Variants in GALNT13 observed in about 807,000 individuals in gnomAD.
GALNT13 encodes polypeptide N-acetylgalactosaminyltransferase 13.
A neutral mutation model predicts 64.2 loss-of-function variants in GALNT13; 28 were observed. The ratio of observed to expected loss-of-function variants is 0.44; its 90% CI spans 0.32 to 0.60. The LOEUF is 0.60. GALNT13 is among the 20% of genes least tolerant of loss of function. GALNT13 has a pLI of 0.05. For missense variants in GALNT13, 577 were observed against 669.8 expected (o/e 0.86, Z 1.53); for synonymous variants, 214 against 224.6 (o/e 0.95, Z 0.42).
At chr2:153,945,461 CTGTT>C (rs1419439565) in intron 3 of GALNT13, among the ~76,000 whole-genome samples, 2 of 152,210 alleles carry the variant, frequency 1.3e-5, no homozygotes, top group East Asian at 1.9e-4. Flanking sequence ...AACATATTCT[CTGTT>C]TGGCAAAAGT....
Position 154,065,829 on chromosome 2 carries a change from T to C in GALNT13, c.143-74508T>C, listed in dbSNP as rs138833666. ...TCTGTAATGCCCAGACACTGACAAA[T>C]ATCCACAAGAATCAAGACCATCCAG... On this transcript the variant is annotated intron_variant, in intron 3 of 12. Transcript: ENST00000392825. 6.8e-4 allele frequency among the ~76,000 whole-genome samples: 104 copies of C among 152,244 alleles called. 1 individual carries two copies. The East Asian group carries it at 0.02, about 29-fold the overall frequency.
the GALNT13 span, among the ~76,000 whole-genome samples, chr2:153,776,155 A>G: frequency 6.6e-6 from 1 of 152,244 alleles, no homozygotes; most frequent in East Asian, 1.9e-4. Flanking sequence ...ATATTGTTGT[A>G]GAAATAAATC....
At position 153,965,090 on chromosome 2, in the gene GALNT13, T is replaced by C. The variant is rs140859830; in HGVS notation, c.142+20451T>C. Among the ~76,000 whole-genome samples the C allele has an allele frequency of 6.8e-3, 1,032 of 152,290 alleles. 8 individuals are homozygous for C. Among genetic ancestry groups the C allele is most frequent in the African/African-American group, 0.023 (956 of 41,572 alleles). Reference sequence around the variant, plus strand: ...TTTAAGGATACATAACAGTTTTACATATTTATGAGGTACATGTGATATTTT... The same window carrying C: ...TTTAAGGATACATAACAGTTTTACACATTTATGAGGTACATGTGATATTTT... On this transcript the variant is annotated intron_variant, in intron 3 of 12. Coordinates refer to ENST00000392825, the MANE Select transcript of GALNT13 (RefSeq NM_052917.4).
At chr2:154,128,159 G>A (rs1351898031) in intron 3 of GALNT13, among the ~76,000 whole-genome samples, 1 of 152,048 alleles carries the variant, frequency 6.6e-6, no homozygotes, top group Non-Finnish European at 1.5e-5. Context: ...TCATTTAAAG[G>A]TGTACCTACT....
At chr2:153,096,392 A>G in the GALNT13 span, among the ~76,000 whole-genome samples, 8 of 152,326 alleles carry the variant, frequency 5.3e-5, no homozygotes, top group South Asian at 4.1e-4. Flanking sequence ...CCTTTGGTCT[A>G]TAATGCAGAT....
intron 4 of GALNT13, among the ~76,000 whole-genome samples, chr2:154,154,375 C>G (rs539209197): frequency 6.6e-6 from 1 of 152,248 alleles, no homozygotes; most frequent in East Asian, 1.9e-4. Context: ...AACTATCCAT[C>G]CAAGCTCATT....
the GALNT13 span, among the ~76,000 whole-genome samples, chr2:153,587,789 A>G: frequency 1.3e-5 from 2 of 152,134 alleles, no homozygotes; most frequent in African/African-American, 4.8e-5. Flanking sequence ...TAAAGTCTTA[A>G]CTCATTTCAG....
chr2:153,892,589 A>G lies in GALNT13; in HGVS notation c.-176-8347A>G, dbSNP rs559127576. Among the ~76,000 whole-genome samples, 3 of 152,188 alleles carry G rather than the reference A, an allele frequency of 2.0e-5. No homozygotes were observed. The East Asian group carries it at 5.8e-4, about 29-fold the overall frequency. On this transcript the variant is annotated intron_variant, in intron 1 of 12. Coordinates refer to ENST00000392825, the MANE Select transcript of GALNT13 (RefSeq NM_052917.4). ...CAAAATTAATATCTAAGCAATCTTTAATTTCTAGAAATTTATTTTTACAGT... is the reference window on the plus strand; with the variant it reads ...CAAAATTAATATCTAAGCAATCTTTGATTTCTAGAAATTTATTTTTACAGT...
At chr2:154,437,594 C>A (rs1302204204) in intron 11 of GALNT13, 2 of 1,231,284 alleles carry the variant, frequency 1.6e-6, no homozygotes, top group Admixed American at 2.3e-5. Flanking sequence ...TGGCGGCTCA[C>A]ACCTGTAATC....
intron 3 of GALNT13, among the ~76,000 whole-genome samples, chr2:154,018,408 T>C (rs1697161028): frequency 6.6e-6 from 1 of 152,182 alleles, no homozygotes; most frequent in South Asian, 2.1e-4. Context: ...TCTCTCAGAA[T>C]TTGGAATTGG....
chr2:153,548,419 C>G, the GALNT13 span, among the ~76,000 whole-genome samples: 80,588 of 151,968 alleles, frequency 0.53, 22,964 homozygotes, highest in East Asian at 0.76. Context: ...ATTAATAAAC[C>G]AAAAGATATT....
the GALNT13 span, among the ~76,000 whole-genome samples, chr2:153,095,722 T>A: frequency 1.3e-4 from 20 of 152,034 alleles, no homozygotes; most frequent in Non-Finnish European, 2.4e-4. Flanking sequence ...AAAGGATGAG[T>A]TCATGTGCTT....
chr2:153,458,240 GT>G, the GALNT13 span, among the ~76,000 whole-genome samples: 13 of 151,082 alleles, frequency 8.6e-5, no homozygotes, highest in East Asian at 5.8e-4. Flanking sequence ...AAAATCAGTA[GT>G]TTTTTTTTGT....
At chr2:154,360,689 G>T (rs1431771480) in intron 9 of GALNT13, among the ~76,000 whole-genome samples, 1 of 152,108 alleles carries the variant, frequency 6.6e-6, no homozygotes, top group African/African-American at 2.4e-5. Flanking sequence ...TGACTATTCA[G>T]TATATCTTTA....
At chr2:153,971,849 C>T (rs1693764666) in intron 3 of GALNT13, among the ~76,000 whole-genome samples, 1 of 152,048 alleles carries the variant, frequency 6.6e-6, no homozygotes, top group Admixed American at 6.6e-5. Flanking sequence ...CCTGGACCCT[C>T]AGAATGTAAC....
At chr2:154,020,385 C>T (rs928726347) in intron 3 of GALNT13, among the ~76,000 whole-genome samples, 2 of 152,112 alleles carry the variant, frequency 1.3e-5, no homozygotes, top group African/African-American at 2.4e-5. Context: ...TTTTAATGAT[C>T]ACCATTCTAA....
the GALNT13 span, among the ~76,000 whole-genome samples, chr2:153,347,897 G>C: frequency 6.6e-6 from 1 of 152,164 alleles, no homozygotes; most frequent in Admixed American, 6.5e-5. Flanking sequence ...AAAATGAGTA[G>C]TGTTAATGCA....
At chr2:153,969,207 T>C (rs1227516996) in intron 3 of GALNT13, among the ~76,000 whole-genome samples, 17 of 151,964 alleles carry the variant, frequency 1.1e-4, no homozygotes, top group Non-Finnish European at 7.4e-5. Context: ...ATTAAAGAGG[T>C]AAACTAAAAA....
chr2:154,447,345 G>C (rs1380400455), intron 12 of GALNT13, among the ~76,000 whole-genome samples: 1 of 151,664 alleles, frequency 6.6e-6, no homozygotes, highest in Non-Finnish European at 1.5e-5. Context: ...GCATTTCTTT[G>C]TGGTTGCCTA....
Sources: allele counts gnomAD v4.1 joint callset (sites outside exome capture counted in the v4.1 genomes callset), GRCh38; gene constraint gnomAD v4.1.1; transcripts MANE v1.5; gene names NCBI Gene and HGNC (gene_info 2026-07-23, HGNC 2026-07-21).